FHL2: variants seen among roughly 807,000 people sequenced by gnomAD.
The protein encoded by FHL2 is four and a half LIM domains protein 2.
FHL2 carries 20 observed loss-of-function variants against 32.7 expected under a neutral mutation model. The observed-to-expected ratio is 0.61, with a 90% CI of 0.43 to 0.89. The LOEUF (loss-of-function observed/expected upper bound fraction) is 0.89. Ranked by LOEUF, FHL2 falls within the 40% of genes least tolerant of loss-of-function variation. The pLI is 0.00. For synonymous variants in FHL2, 123 were observed against 128.1 expected, an observed-to-expected ratio of 0.96 and a Z score of 0.27; for missense variants, 311 against 358.6, an observed-to-expected ratio of 0.87 and a Z score of 1.07.
At chr2:105,395,995 C>T (rs1376033135) in intron 2 of FHL2, among the ~76,000 whole-genome samples, 1 of 152,082 alleles carries the variant, frequency 6.6e-6, no homozygotes, top group African/African-American at 2.4e-5. Context: ...ATGCAGAGAG[C>T]ATGTTTTACA....
chr2:105,433,834 A>T (rs1278100359), intron 1 of FHL2, among the ~76,000 whole-genome samples: 5 of 152,100 alleles, frequency 3.3e-5, no homozygotes, highest in Non-Finnish European at 7.4e-5. Flanking sequence ...TATGAAAATG[A>T]TTTTTTTCTT....
At chr2:105,420,228 T>C (rs1684058362) in intron 1 of FHL2, among the ~76,000 whole-genome samples, 1 of 152,220 alleles carries the variant, frequency 6.6e-6, no homozygotes, top group African/African-American at 2.4e-5. Context: ...TCCATGCCTC[T>C]CCCTAGCTGC....
chr2:105,397,909 C>A (rs1302394984), intron 1 of FHL2, among the ~76,000 whole-genome samples: 1 of 147,410 alleles, frequency 6.8e-6, no homozygotes, highest in African/African-American at 2.6e-5. Context: ...TCTAAAACAT[C>A]TTCAGGATAG....
chr2:105,389,470 T>G (rs1210054368), intron 2 of FHL2, among the ~76,000 whole-genome samples: 1 of 152,166 alleles, frequency 6.6e-6, no homozygotes, highest in African/African-American at 2.4e-5. Context: ...CACTGCCCAT[T>G]CCATGCCCAC....
chr2:105,397,505 A>T (rs1226034906), intron 1 of FHL2, among the ~76,000 whole-genome samples: 1 of 152,118 alleles, frequency 6.6e-6, no homozygotes, highest in Non-Finnish European at 1.5e-5. Flanking sequence ...GGCAGCCTAC[A>T]TGCAGTCCCC....
chr2:105,359,390 AAAAG>A (rs1680131903), downstream of FHL2: 2 of 152,246 alleles, frequency 1.3e-5, no homozygotes, highest in South Asian at 4.1e-4. Context: ...CTATAAAACC[AAAAG>A]ACTCATTCCA....
chr2:105,373,387 C>T, intron 4 of FHL2, 172 bp downstream of exon 4: 1 of 673,176 alleles, frequency 1.5e-6, no homozygotes, highest in Non-Finnish European at 2.6e-6. Context: ...CATGATAGAA[C>T]CTGTATGTCC....
chr2:105,399,687 C>T (rs1381093194), upstream of FHL2: 1 of 1,447,572 alleles, frequency 6.9e-7, no homozygotes, highest in Non-Finnish European at 9.1e-7. Context: ...GCGTGCCTCC[C>T]ACATTCCAAG....
chr2:105,386,756 C>CTTTTT (rs11380471), intron 2 of FHL2, among the ~76,000 whole-genome samples: 21 of 48,920 alleles, frequency 4.3e-4, no homozygotes, highest in Admixed American at 5.4e-4. Context: ...ATGCATTCCA[C>CTTTTT]TTTTTTTTTT....
intron 2 of FHL2, among the ~76,000 whole-genome samples, chr2:105,394,417 A>AAAT (rs1682973326): frequency 6.6e-6 from 1 of 150,708 alleles, no homozygotes; most frequent in African/African-American, 2.4e-5. Flanking sequence ...AAAAAAAAAA[A>AAAT]TTTATATCAG....
intron 1 of FHL2, among the ~76,000 whole-genome samples, chr2:105,413,058 G>A (rs946115881): frequency 8.5e-5 from 13 of 152,204 alleles, no homozygotes; most frequent in African/African-American, 3.1e-4. Context: ...AGGACAGGAT[G>A]CAAATGAGGA....
At chr2:105,415,972 G>T (rs898780428) in intron 1 of FHL2, among the ~76,000 whole-genome samples, 1 of 152,090 alleles carries the variant, frequency 6.6e-6, no homozygotes, top group African/African-American at 2.4e-5. Context: ...AACTGTGTGT[G>T]GAACCATATT....
chr2:105,375,217 CTAGT>C (rs1301742319), intron 3 of FHL2: 1 of 152,028 alleles, frequency 6.6e-6, no homozygotes, highest in African/African-American at 2.4e-5. Flanking sequence ...TGGAACCAAA[CTAGT>C]TATTTGATTT....
chr2:105,373,832 AG>A (rs1681273990), intron 3 of FHL2, 99 bp from the exon 4 acceptor site: 2 of 1,284,470 alleles, frequency 1.6e-6, no homozygotes, highest in African/African-American at 2.9e-5. Context: ...AAACAAGGAA[AG>A]AAGTTGGGCC....
At chr2:105,426,877 C>T (rs1052898016) in intron 1 of FHL2, among the ~76,000 whole-genome samples, 1 of 152,212 alleles carries the variant, frequency 6.6e-6, no homozygotes, top group African/African-American at 2.4e-5. Context: ...ACTCACATGG[C>T]CCTTATCACT....
At chr2:105,358,774 A>C (rs1680109699), downstream of FHL2, 1 of 152,208 alleles carries the variant, frequency 6.6e-6, no homozygotes, top group Non-Finnish European at 1.5e-5. Flanking sequence ...CCTGTCAGTC[A>C]ATGCTTTTAG....
At chr2:105,437,359 A>G (rs1026465815) in intron 1 of FHL2, among the ~76,000 whole-genome samples, 2 of 152,118 alleles carry the variant, frequency 1.3e-5, no homozygotes, top group African/African-American at 4.8e-5. Flanking sequence ...CATTCTATGT[A>G]TGTACTGATA....
chr2:105,399,260 G>T (rs1382264037), upstream of FHL2: 3 of 1,535,644 alleles, frequency 2.0e-6, no homozygotes, highest in East Asian at 2.4e-5. Context: ...TGCCCTCCGG[G>T]TCTTGGGAGC....
intron 5 of FHL2, among the ~76,000 whole-genome samples, chr2:105,365,067 T>C (rs1453787737): frequency 6.6e-6 from 1 of 152,206 alleles, no homozygotes; most frequent in Non-Finnish European, 1.5e-5. Flanking sequence ...AGTCCTCCCT[T>C]GCTCCGGATT....
Sources: gnomAD v4.1 joint callset for allele counts (sites outside exome capture counted in the v4.1 genomes callset) on GRCh38, gnomAD v4.1.1 for gene constraint, MANE v1.5 for transcripts, NCBI Gene and HGNC (gene_info 2026-07-23, HGNC 2026-07-21) for gene names.